METTL15: variants seen among roughly 807,000 people sequenced by gnomAD.
METTL15 encodes the protein 12S rRNA N(4)-cytidine methyltransferase METTL15.
Under a neutral mutation model 38.3 loss-of-function variants are expected in METTL15, and 34 were observed. The ratio of observed to expected loss-of-function variants is 0.89; its 90% CI spans 0.68 to 1.18. METTL15 has a LOEUF of 1.18. Ranked by LOEUF, METTL15 falls within the 50% of genes most tolerant of loss-of-function variation. The pLI, the probability that METTL15 is intolerant of heterozygous loss-of-function variation, is 0.00. For synonymous variants in METTL15, 162 were observed against 170.9 expected (o/e 0.95, Z 0.41); for missense variants, 438 against 498.4 (o/e 0.88, Z 1.15).
intron 4 of METTL15, chr11:28,261,183 A>G (rs1481994215): frequency 6.6e-6 from 1 of 152,222 alleles, no homozygotes; most frequent in East Asian, 1.9e-4. Context: ...AGACTATAGT[A>G]AATCCCAATT....
intron 4 of METTL15, among the ~76,000 whole-genome samples, chr11:28,280,281 A>G (rs181645398): frequency 2.0e-5 from 3 of 152,160 alleles, no homozygotes; most frequent in African/African-American, 4.8e-5. Flanking sequence ...AATTTTCTTT[A>G]TCTTAGAATA....
At chr11:28,260,205 T>C (rs1242089043) in intron 4 of METTL15, among the ~76,000 whole-genome samples, 1 of 152,238 alleles carries the variant, frequency 6.6e-6, no homozygotes, top group African/African-American at 2.4e-5. Flanking sequence ...CATTTCCATA[T>C]CAGGCACTTA....
chr11:28,399,256 CT>C (rs1421381947), intron 5 of METTL15, among the ~76,000 whole-genome samples: 1 of 151,954 alleles, frequency 6.6e-6, no homozygotes, highest in Non-Finnish European at 1.5e-5. Context: ...TTGCAGAAAA[CT>C]GAAACTGGAC....
At chr11:28,301,122 C>CT (rs1343329822) in intron 6 of METTL15, among the ~76,000 whole-genome samples, 4 of 152,192 alleles carry the variant, frequency 2.6e-5, no homozygotes, top group Admixed American at 1.3e-4. Flanking sequence ...GAACTGGCTC[C>CT]TACCTGTCTT....
intron 5 of METTL15, among the ~76,000 whole-genome samples, chr11:28,407,639 TA>T (rs1410804130): frequency 6.6e-6 from 1 of 152,028 alleles, no homozygotes; most frequent in African/African-American, 2.4e-5. Flanking sequence ...TGGCGATTAT[TA>T]AAAAGTAAAG....
At chr11:28,233,011 C>A (rs1853753980) in intron 4 of METTL15, among the ~76,000 whole-genome samples, 1 of 151,932 alleles carries the variant, frequency 6.6e-6, no homozygotes, top group Admixed American at 6.6e-5. Context: ...TACCTGTATG[C>A]AAGGAATTGA....
At position 28,211,049 on chromosome 11, in the gene METTL15, C is replaced by T; in HGVS notation, c.271-13C>T. Reference sequence around the variant, plus strand: ...TATGCTAAGTTGTAATTTTCTTTTTCTGTGTTTGCTAGATTTTTCTAGATA... The same window carrying T: ...TATGCTAAGTTGTAATTTTCTTTTTTTGTGTTTGCTAGATTTTTCTAGATA... On this transcript the variant is annotated splice_polypyrimidine_tract_variant and intron_variant, in intron 3 of 6. Transcript: ENST00000407364. The T allele has an allele frequency of 6.3e-7, 1 of 1,592,300 alleles. No individual in the cohort carries two copies. Among genetic ancestry groups the T allele is most frequent in the Non-Finnish European group, 8.5e-7 (1 of 1,173,336 alleles).
chr11:28,241,882 G>C (rs1415330092), intron 4 of METTL15, among the ~76,000 whole-genome samples: 1 of 152,202 alleles, frequency 6.6e-6, no homozygotes, highest in Non-Finnish European at 1.5e-5. Context: ...TCAGATGACA[G>C]ATCATGCAAG....
intron 4 of METTL15, among the ~76,000 whole-genome samples, chr11:28,264,763 T>C (rs1410146354): frequency 2.6e-5 from 4 of 152,130 alleles, no homozygotes; most frequent in Non-Finnish European, 4.4e-5. Flanking sequence ...TTCCACAAAT[T>C]AACAATTTGA....
At chr11:28,188,146 C>T (rs1014324569) in intron 3 of METTL15, among the ~76,000 whole-genome samples, 2 of 151,102 alleles carry the variant, frequency 1.3e-5, no homozygotes, top group African/African-American at 4.8e-5. Context: ...AAAATTTTAT[C>T]CAATTAGCTT....
intron 3 of METTL15, among the ~76,000 whole-genome samples, chr11:28,116,629 A>G (rs1851972922): frequency 6.6e-6 from 1 of 152,344 alleles, no homozygotes; most frequent in South Asian, 2.1e-4. Flanking sequence ...GTGTACTACA[A>G]TGGCTAGATG....
At chr11:28,344,430 A>G (rs112770482) in intron 3 of METTL15, among the ~76,000 whole-genome samples, 95 of 152,300 alleles carry the variant, frequency 6.2e-4, no homozygotes, top group African/African-American at 2.3e-3. Context: ...CAGCACATGC[A>G]CACTAATTTT....
Position 28,332,591 on chromosome 11 carries a change from G to C in METTL15, c.*1750G>C, listed in dbSNP as rs1187661680. The C allele has an allele frequency of 1.4e-5, 2 of 148,122 alleles. No individual in the cohort carries two copies. The highest frequency in any genetic ancestry group is 2.6e-5 in the African/African-American group (1 of 38,850). The allele number at this position is 148,122 out of a possible 1,614,324, so 9.2% of individuals were successfully genotyped here. On this transcript the variant is annotated 3_prime_UTR_variant, in exon 7 of 7. Coordinates refer to ENST00000407364, the MANE Select transcript of METTL15 (RefSeq NM_001113528.2). The stretch of plus-strand genomic sequence containing the variant: ...ATTTGGAAATACTGTGGTTGTGGTT[G>C]TAAGTAGCTAAGATGAGGTCATACT...
chr11:28,197,379 TA>T (rs1851947898), intron 3 of METTL15: 2 of 259,970 alleles, frequency 7.7e-6, no homozygotes, highest in South Asian at 4.4e-5. Flanking sequence ...TGTGAATAAT[TA>T]TTTTTTTGAT....
chr11:28,210,430 A>G (rs1257142378), intron 3 of METTL15, among the ~76,000 whole-genome samples: 4 of 151,906 alleles, frequency 2.6e-5, no homozygotes, highest in Non-Finnish European at 1.5e-5. Context: ...TCCCAAAGAC[A>G]TAGATACTTT....
At chr11:28,513,532 G>A (rs1372609946) in intron 6 of METTL15, among the ~76,000 whole-genome samples, 1 of 152,168 alleles carries the variant, frequency 6.6e-6, no homozygotes, top group Admixed American at 6.5e-5. Context: ...CCCTAACCCA[G>A]AGGTGCTAGA....
At chr11:28,202,973 T>A (rs1430703699) in intron 3 of METTL15, among the ~76,000 whole-genome samples, 3 of 116,074 alleles carry the variant, frequency 2.6e-5, no homozygotes, top group Non-Finnish European at 6.3e-5. Context: ...TTAGAATGAT[T>A]GGATTAAAAA....
rs566276331 is a variant in METTL15 at position 28,365,308 on chromosome 11, C to A, written c.*358+3272C>A. The stretch of plus-strand genomic sequence containing the variant: ...AGCTGTAAATCCATCTAGTCCAGGG[C>A]TCTTTCTGATTGGTAGGTTTTTTAA... On this transcript the variant is annotated intron_variant and NMD_transcript_variant, in intron 5 of 7. Coordinates refer to the METTL15 transcript ENST00000532947. 2.6e-5 allele frequency among the ~76,000 whole-genome samples: 4 copies of A among 152,172 alleles called. No individual in the cohort carries two copies. In the South Asian group the frequency reaches 8.3e-4, roughly 32 times the overall value.
rs1239940009 is a variant in METTL15 at position 28,290,502 on chromosome 11, A to G, written c.599+105A>G. 3.3e-6 allele frequency: 3 copies of G among 900,810 alleles called. No homozygotes were observed. In the Admixed American group the frequency reaches 7.0e-5, roughly 21 times the overall value. 55.8% of individuals were successfully genotyped at this position (900,810 alleles called of 1,614,324 possible). ...TACAGAATTTCCATTACATGCCTACACCTAACACTACCAATACATAATAAA... is the reference window on the plus strand; with the variant it reads ...TACAGAATTTCCATTACATGCCTACGCCTAACACTACCAATACATAATAAA... On this transcript the variant is annotated intron_variant, in intron 5 of 6. Coordinates refer to ENST00000407364, the MANE Select transcript of METTL15 (RefSeq NM_001113528.2).
Sources: allele counts gnomAD v4.1 joint callset (sites outside exome capture counted in the v4.1 genomes callset), GRCh38; gene constraint gnomAD v4.1.1; transcripts MANE v1.5; gene names NCBI Gene and HGNC (gene_info 2026-07-23, HGNC 2026-07-21).